Variants in VPS13B observed in about 807,000 individuals in gnomAD.
VPS13B encodes the protein vacuolar protein sorting 13 homolog B.
A neutral mutation model predicts 426.4 loss-of-function variants in VPS13B; 285 were observed. The observed-to-expected ratio is 0.67, with a 90% CI of 0.61 to 0.74. The LOEUF is 0.74. Among genes scored for constraint, VPS13B ranks in the 30% least tolerant of loss-of-function variants. The pLI is 0.00. For missense variants in VPS13B, 4,537 were observed against 4,782.6 expected, an observed-to-expected ratio of 0.95 and a Z score of 1.51; for synonymous variants, 1,676 against 1,676.4, an observed-to-expected ratio of 1.00 and a Z score of 0.01.
chr8:99,420,613 G>A (rs1424298036), intron 21 of VPS13B, among the ~76,000 whole-genome samples: 1 of 152,074 alleles, frequency 6.6e-6, no homozygotes, highest in East Asian at 1.9e-4. Flanking sequence ...AGTAAGAGAG[G>A]ACATAAAGAG....
At chr8:99,398,336 G>A (rs1209531648) in intron 21 of VPS13B, among the ~76,000 whole-genome samples, 3 of 152,146 alleles carry the variant, frequency 2.0e-5, no homozygotes, top group Non-Finnish European at 2.9e-5. Flanking sequence ...TGAGAAGTAG[G>A]CAACAAAGCT....
chr8:99,249,278 G>A (rs1817379436), intron 17 of VPS13B, among the ~76,000 whole-genome samples: 3 of 152,080 alleles, frequency 2.0e-5, no homozygotes. Context: ...TTTATCTGTT[G>A]AAGGACATAT....
intron 17 of VPS13B, among the ~76,000 whole-genome samples, chr8:99,209,285 AAAAAAAC>A (rs1362453151): frequency 2.0e-5 from 3 of 150,814 alleles, no homozygotes; most frequent in Non-Finnish European, 4.4e-5. Context: ...CCATCTCAAA[AAAAAAAC>A]AAAACAAAAA....
chr8:99,121,976 C>T (rs1334900307), intron 8 of VPS13B, among the ~76,000 whole-genome samples: 2 of 150,916 alleles, frequency 1.3e-5, no homozygotes, highest in Non-Finnish European at 1.5e-5. Context: ...TTCAGCCTCC[C>T]GAGCAGCTGG....
intron 17 of VPS13B, among the ~76,000 whole-genome samples, chr8:99,193,905 A>G (rs188234055): frequency 3.4e-4 from 52 of 152,296 alleles, no homozygotes; most frequent in Non-Finnish European, 5.0e-4. Flanking sequence ...CAGATTTGGA[A>G]TGTTTGCACA....
intron 17 of VPS13B, among the ~76,000 whole-genome samples, chr8:99,215,574 C>G (rs1187634556): frequency 6.6e-6 from 1 of 152,168 alleles, no homozygotes; most frequent in Non-Finnish European, 1.5e-5. Context: ...TGGAGAAACT[C>G]ATGCATGTGA....
intron 19 of VPS13B, among the ~76,000 whole-genome samples, chr8:99,322,210 G>A (rs540290926): frequency 6.6e-6 from 1 of 152,214 alleles, no homozygotes; most frequent in African/African-American, 2.4e-5. Context: ...ATAGTTTAGA[G>A]CAAAATAGCC....
intron 17 of VPS13B, among the ~76,000 whole-genome samples, chr8:99,199,322 CCACCA>C (rs1468701942): frequency 6.6e-6 from 1 of 152,090 alleles, no homozygotes; most frequent in Non-Finnish European, 1.5e-5. Flanking sequence ...CAGGTGCCTG[CCACCA>C]CACCCGGCTA....
At chr8:99,190,028 A>G (rs1813468191) in intron 16 of VPS13B, among the ~76,000 whole-genome samples, 1 of 152,006 alleles carries the variant, frequency 6.6e-6, no homozygotes, top group Non-Finnish European at 1.5e-5. Context: ...TTCCTGAGAG[A>G]GGAGTGTTGA....
intron 3 of VPS13B, among the ~76,000 whole-genome samples, chr8:99,055,033 G>GTTTTTTTT (rs775826222): frequency 1.5e-4 from 16 of 109,348 alleles, no homozygotes; most frequent in African/African-American, 1.7e-4. Flanking sequence ...TTGTATTTCT[G>GTTTTTTTT]TTTTTTTTTT....
intron 19 of VPS13B, chr8:99,348,181 G>A (rs574489928): frequency 1.3e-5 from 2 of 152,326 alleles, no homozygotes; most frequent in East Asian, 3.9e-4. Flanking sequence ...GGTCATAGTG[G>A]ATATACTTGT....
At chr8:99,154,875 A>G (rs905317044) in intron 14 of VPS13B, among the ~76,000 whole-genome samples, 1 of 152,112 alleles carries the variant, frequency 6.6e-6, no homozygotes, top group Non-Finnish European at 1.5e-5. Flanking sequence ...TTTTTTACCC[A>G]TGATGTCATC....
intron 50 of VPS13B, 39 bp from the exon 51 acceptor site, chr8:99,823,792 AC>A (rs1407072890): frequency 1.3e-6 from 2 of 1,596,522 alleles, no homozygotes; most frequent in African/African-American, 2.7e-5. Flanking sequence ...GATATGCCTT[AC>A]AGTATTGTCA....
At chr8:99,397,015 A>G (rs1392254422) in intron 21 of VPS13B, among the ~76,000 whole-genome samples, 1 of 152,224 alleles carries the variant, frequency 6.6e-6, no homozygotes. Context: ...AATATGAAAA[A>G]TCTTGAAATC....
chr8:99,206,453 G>A (rs781019594), intron 17 of VPS13B, among the ~76,000 whole-genome samples: 22 of 152,244 alleles, frequency 1.4e-4, no homozygotes, highest in Middle Eastern at 3.4e-3. Context: ...CTTTCTCAGC[G>A]CAGTAGCATC....
intron 21 of VPS13B, among the ~76,000 whole-genome samples, chr8:99,419,142 A>G (rs976626364): frequency 6.6e-6 from 1 of 152,164 alleles, no homozygotes; most frequent in African/African-American, 2.4e-5. Context: ...AAGGTTTAAC[A>G]ACATCCCCCT....
intron 17 of VPS13B, among the ~76,000 whole-genome samples, chr8:99,205,426 C>G (rs1814645209): frequency 6.6e-6 from 1 of 151,954 alleles, no homozygotes; most frequent in Non-Finnish European, 1.5e-5. Context: ...ATGGGTGGCT[C>G]GAACCACCAT....
At chr8:99,252,632 G>A (rs1302127570) in intron 17 of VPS13B, among the ~76,000 whole-genome samples, 1 of 152,032 alleles carries the variant, frequency 6.6e-6, no homozygotes, top group Non-Finnish European at 1.5e-5. Context: ...GGGTATCGAA[G>A]TCTCCAAATA....
chr8:99,399,801 G>A (rs77366637), intron 21 of VPS13B, among the ~76,000 whole-genome samples: 3,088 of 152,140 alleles, frequency 0.02, 112 homozygotes, highest in African/African-American at 0.07. Flanking sequence ...TTTATCATTG[G>A]TATTTGATGA....
Sources: gnomAD v4.1 joint callset for allele counts (sites outside exome capture counted in the v4.1 genomes callset) on GRCh38, gnomAD v4.1.1 for gene constraint, MANE v1.5 for transcripts, NCBI Gene and HGNC (gene_info 2026-07-23, HGNC 2026-07-21) for gene names.